SORCS1: variants seen among roughly 807,000 people sequenced by gnomAD.
SORCS1 encodes the protein sortilin related VPS10 domain containing receptor 1, also known as VPS10 domain-containing receptor SorCS1.
In SORCS1, 60 loss-of-function variants were observed where a neutral mutation model predicts 146.1. The observed-to-expected ratio is 0.41, with a 90% CI of 0.33 to 0.51. SORCS1 has a LOEUF of 0.51. Among genes scored for constraint, SORCS1 ranks in the 20% least tolerant of loss-of-function variants. The probability of loss-of-function intolerance (pLI) is 0.21; values close to 1 mark genes in which losing one functional copy is unlikely to be tolerated. For missense variants in SORCS1, 1,352 were observed against 1,487.6 expected, an observed-to-expected ratio of 0.91 and a Z score of 1.50; for synonymous variants, 637 against 584.0, an observed-to-expected ratio of 1.09 and a Z score of -1.31.
rs530812026 is a variant in SORCS1 at position 106,830,399 on chromosome 10, A to G, written c.627-726T>C. Among the ~76,000 whole-genome samples, 3 of 152,290 alleles carry G rather than the reference A, an allele frequency of 2.0e-5. No homozygotes were observed. In the East Asian group the frequency reaches 5.8e-4, roughly 29 times the overall value. ...AGAATTTTAATCTTATTATATCATC[A>G]TGACAACTATGTACAATAGGGATTA... is the stretch of plus-strand genomic sequence containing the variant. On this transcript the variant is annotated intron_variant, in intron 2 of 25. Coordinates refer to ENST00000263054, the MANE Select transcript of SORCS1 (RefSeq NM_052918.5).
intron 21 of SORCS1, among the ~76,000 whole-genome samples, chr10:106,612,869 C>T (rs971758195): frequency 6.6e-6 from 1 of 152,042 alleles, no homozygotes; most frequent in Non-Finnish European, 1.5e-5. Context: ...AGGTTTATGA[C>T]CCTGGGCCTC....
At chr10:106,935,105 T>G (rs1003102063) in intron 2 of SORCS1, among the ~76,000 whole-genome samples, 10 of 145,384 alleles carry the variant, frequency 6.9e-5, no homozygotes, top group East Asian at 6.4e-4. Context: ...GAAAAGAAAA[T>G]AATTTTTGGA....
chr10:106,973,915 T>C (rs1419871938), intron 1 of SORCS1, among the ~76,000 whole-genome samples: 1 of 152,218 alleles, frequency 6.6e-6, no homozygotes, highest in Non-Finnish European at 1.5e-5. Context: ...AATTATTGAA[T>C]GGCAGTGCCT....
At chr10:106,866,032 CAAAA>C (rs60499735) in intron 2 of SORCS1, among the ~76,000 whole-genome samples, 1 of 95,114 alleles carries the variant, frequency 1.1e-5, no homozygotes. Context: ...GATTCCGTCT[CAAAA>C]AAAAAAAAAA....
intron 2 of SORCS1, among the ~76,000 whole-genome samples, chr10:106,862,355 G>T (rs1950046707): frequency 6.6e-6 from 1 of 151,948 alleles, no homozygotes; most frequent in African/African-American, 2.4e-5. Context: ...ACATATGCTT[G>T]CCTATTTGTG....
At chr10:107,178,680 G>T in the SORCS1 span, among the ~76,000 whole-genome samples, 1 of 151,942 alleles carries the variant, frequency 6.6e-6, no homozygotes, top group Non-Finnish European at 1.5e-5. Context: ...GTAGAGATAG[G>T]TTTCGCCTTG....
intron 2 of SORCS1, among the ~76,000 whole-genome samples, chr10:106,850,450 A>ACGGTGCG (rs1949516041): frequency 6.6e-6 from 1 of 151,890 alleles, no homozygotes; most frequent in African/African-American, 2.4e-5. Flanking sequence ...CGGCTCGCAC[A>ACGGTGCG]CGGTGCGCGC....
At chr10:106,656,258 T>G (rs1850277095) in intron 17 of SORCS1, among the ~76,000 whole-genome samples, 1 of 152,142 alleles carries the variant, frequency 6.6e-6, no homozygotes, top group Non-Finnish European at 1.5e-5. Context: ...TTAAAAAAGA[T>G]GAAGGCAATA....
intron 1 of SORCS1, among the ~76,000 whole-genome samples, chr10:107,041,220 A>G (rs548662369): frequency 4.5e-4 from 68 of 152,240 alleles, no homozygotes; most frequent in African/African-American, 1.6e-3. Flanking sequence ...TTTACCACAT[A>G]AATTCCCACA....
chr10:106,654,076 T>C (rs1032787301), intron 17 of SORCS1, among the ~76,000 whole-genome samples: 105 of 152,200 alleles, frequency 6.9e-4, no homozygotes, highest in African/African-American at 2.4e-3. Context: ...AGTGTCCTCC[T>C]GCATGCCCTA....
intron 4 of SORCS1, among the ~76,000 whole-genome samples, chr10:106,763,524 A>C (rs112085027): frequency 4.7e-4 from 71 of 152,238 alleles, no homozygotes; most frequent in African/African-American, 1.7e-3. Context: ...TCCAAAGGTA[A>C]CTTTCGGTCC....
At chr10:106,841,167 G>T (rs1368889116) in intron 2 of SORCS1, among the ~76,000 whole-genome samples, 1 of 151,624 alleles carries the variant, frequency 6.6e-6, no homozygotes, top group African/African-American at 2.4e-5. Context: ...AAATATTTTT[G>T]ATTAAAATAT....
intron 1 of SORCS1, among the ~76,000 whole-genome samples, chr10:106,976,812 T>C (rs2139292620): frequency 6.6e-6 from 1 of 152,174 alleles, no homozygotes; most frequent in East Asian, 1.9e-4. Flanking sequence ...TCTGTTCCTG[T>C]GTTTGCTGAG....
chr10:106,669,640 T>G (rs182157160), intron 16 of SORCS1, among the ~76,000 whole-genome samples: 1 of 152,348 alleles, frequency 6.6e-6, no homozygotes, highest in Admixed American at 6.5e-5. Context: ...ATTGTAATAA[T>G]ATTGCACTGA....
chr10:107,149,326 A>C (rs1193656338), intron 1 of SORCS1, among the ~76,000 whole-genome samples: 1 of 152,202 alleles, frequency 6.6e-6, no homozygotes, highest in Non-Finnish European at 1.5e-5. Flanking sequence ...GGCATAACTA[A>C]GTTTGGATAA....
chr10:106,977,682 C>A (rs1269467414), intron 1 of SORCS1, among the ~76,000 whole-genome samples: 5 of 151,286 alleles, frequency 3.3e-5, no homozygotes, highest in Non-Finnish European at 7.4e-5. Flanking sequence ...AAGAAAGCAC[C>A]AGTATATTTT....
chr10:106,885,907 C>G (rs1033034948), intron 2 of SORCS1, among the ~76,000 whole-genome samples: 4 of 152,088 alleles, frequency 2.6e-5, no homozygotes, highest in Non-Finnish European at 5.9e-5. Context: ...ATAAGACGTG[C>G]CTTTCACCTT....
chr10:106,651,963 G>A (rs563227450), intron 18 of SORCS1, among the ~76,000 whole-genome samples: 5 of 152,288 alleles, frequency 3.3e-5, no homozygotes, highest in African/African-American at 9.6e-5. Flanking sequence ...CATGACCATC[G>A]TGTTGCCCTT....
rs1564933485 is a variant in SORCS1 at position 106,754,758 on chromosome 10, TA to T, written c.959+6829del. The stretch of plus-strand genomic sequence containing the variant: ...TCTGCTATATAATACAGATGTCATA[TA>T]ACTCCCGGAGGGACATCCTTGAAAC... On this transcript the variant is annotated intron_variant, in intron 5 of 25. Coordinates refer to ENST00000263054, the MANE Select transcript of SORCS1 (RefSeq NM_052918.5). Among the ~76,000 whole-genome samples the T allele has an allele frequency of 3.5e-3, 529 of 152,288 alleles. 10 individuals carry two copies. Among genetic ancestry groups the T allele is most frequent in the African/African-American group, 0.012 (510 of 41,566 alleles).
Sources: gnomAD v4.1 joint callset for allele counts (sites outside exome capture counted in the v4.1 genomes callset) on GRCh38, gnomAD v4.1.1 for gene constraint, MANE v1.5 for transcripts, NCBI Gene and HGNC (gene_info 2026-07-23, HGNC 2026-07-21) for gene names.